The following MACF1 variants were observed in gnomAD, a reference collection of about 807,000 sequenced individuals.
The protein encoded by MACF1 is microtubule-actin cross-linking factor 1.
Under a neutral mutation model 854.8 loss-of-function variants are expected in MACF1, and 193 were observed. The observed-to-expected ratio is 0.23, with a 90% confidence interval of 0.20 to 0.25. The LOEUF (loss-of-function observed/expected upper bound fraction) is 0.25, where lower values mean the gene tolerates loss of function less well. Among genes scored for constraint, MACF1 ranks in the 10% least tolerant of loss-of-function variants. The pLI, the probability that MACF1 is intolerant of heterozygous loss-of-function variation, is 1.00. For synonymous variants in MACF1, 3,185 were observed against 3,226.7 expected (o/e 0.99, Z 0.44); for missense variants, 7,722 against 8,929.1 (o/e 0.86, Z 5.45).
At chr1:39,359,945 C>A (rs1366660214) in intron 47 of MACF1, among the ~76,000 whole-genome samples, 2 of 133,182 alleles carry the variant, frequency 1.5e-5, no homozygotes, top group African/African-American at 5.7e-5. Flanking sequence ...TGAGATCGTG[C>A]CACTGCACTC....
chr1:39,475,023 G>A (rs909032018), intron 97 of MACF1, among the ~76,000 whole-genome samples: 1 of 152,170 alleles, frequency 6.6e-6, no homozygotes, highest in Non-Finnish European at 1.5e-5. Context: ...GGGTCAGCAG[G>A]AGGGGCCAGG....
chr1:39,317,236 A>C lies in MACF1; in HGVS notation c.3611A>C (p.Asp1204Ala), dbSNP rs1483777232. The C allele has an allele frequency of 2.5e-6, 4 of 1,613,848 alleles. No individual in the cohort carries two copies. The highest frequency in any genetic ancestry group is 3.4e-6 in the Non-Finnish European group (4 of 1,179,958). The part of the protein sequence containing the change: ...TLRHWLSDVK[D>A]KNSVFSVLDE... ...CAGCACTGGCTTAGTGATGTGAAGG[A>C]CAAGAATTCAGTGTTTTCAGTCCTG... is the stretch of plus-strand genomic sequence containing the variant. The change falls in exon 29 of 101, where the codon GAC becomes GCC. Residue 1204 changes from aspartate (D) to alanine (A), a missense_variant. Around this residue, in one of 15 missense-constraint regions of MACF1, gnomAD observed 1,137 missense variants for 1,263.0 expected, o/e 0.90. Coordinates refer to ENST00000564288, the MANE Select transcript of MACF1 (RefSeq NM_001394062.1).
intron 1 of MACF1, among the ~76,000 whole-genome samples, chr1:39,209,443 G>A (rs1644490872): frequency 6.6e-6 from 1 of 152,084 alleles, no homozygotes; most frequent in Admixed American, 6.5e-5. Context: ...GTGTAAACAG[G>A]AAAAGAGCTT....
At chr1:39,146,320 G>T (rs895093414) in intron 2 of MACF1, among the ~76,000 whole-genome samples, 3 of 151,960 alleles carry the variant, frequency 2.0e-5, no homozygotes, top group Admixed American at 2.0e-4. Context: ...GCGCACACCT[G>T]TAGTCCCAGC....
chr1:39,218,856 C>T lies in MACF1; in HGVS notation c.110-12326C>T, dbSNP rs191842636. On this transcript the variant is annotated intron_variant, in intron 1 of 100. Transcript: ENST00000564288. ...AGTGCAATGGGGCGATCTCGGCTCACTGCAACCTCTGCTTCCCAGGTCCAA... is the reference window on the plus strand; with the variant it reads ...AGTGCAATGGGGCGATCTCGGCTCATTGCAACCTCTGCTTCCCAGGTCCAA... 4.5e-3 allele frequency among the ~76,000 whole-genome samples: 692 copies of T among 152,344 alleles called. 6 individuals are homozygous for T. Among genetic ancestry groups the T allele is most frequent in the South Asian group, 0.042 (203 of 4,824 alleles).
chr1:39,102,385 A>G (rs1220314286), intron 2 of MACF1, among the ~76,000 whole-genome samples: 1 of 147,432 alleles, frequency 6.8e-6, no homozygotes, highest in Admixed American at 6.8e-5. Context: ...CATAACTTCA[A>G]GTGTGATGAG....
chr1:39,370,803 C>A (rs879463214), intron 51 of MACF1, among the ~76,000 whole-genome samples: 2 of 152,046 alleles, frequency 1.3e-5, no homozygotes, highest in Non-Finnish European at 2.9e-5. Flanking sequence ...ATTTTTGTTT[C>A]ACAGTGCCCA....
chr1:39,113,063 A>G (rs966593317), intron 2 of MACF1, among the ~76,000 whole-genome samples: 7 of 152,100 alleles, frequency 4.6e-5, no homozygotes, highest in Admixed American at 3.9e-4. Context: ...GTAGATTTCT[A>G]CTGTCACCCA....
chr1:39,123,817 G>A (rs1214902703), intron 2 of MACF1, among the ~76,000 whole-genome samples: 3 of 135,084 alleles, frequency 2.2e-5, no homozygotes, highest in African/African-American at 8.2e-5. Context: ...TCTGCCTCCT[G>A]GGTTCAAGCA....
At position 39,335,984 on chromosome 1, in the gene MACF1, A is replaced by C. The variant is rs780903505; in HGVS notation, c.9396A>C (p.Thr3132=). Residue 3132 remains threonine, a synonymous_variant, in exon 37 of 101, where the codon ACA becomes ACC. Coordinates refer to ENST00000564288, the MANE Select transcript of MACF1 (RefSeq NM_001394062.1). The stretch of plus-strand genomic sequence containing the variant: ...CAGGCCCATCCCAAATTTCCAAAAC[A>C]GACAAGTCTTTCCAAGGAACCACCA... The part of the protein sequence containing the change: ...QVTGPSQISK[T]DKSFQGTTRQ... 6.2e-7 allele frequency: 1 copy of C among 1,614,202 alleles called. No individual in the cohort carries two copies. Among genetic ancestry groups the C allele is most frequent in the Admixed American group, 1.7e-5 (1 of 60,020 alleles).
chr1:39,386,057 C>A, intron 57 of MACF1, 128 bp downstream of exon 57: 1 of 1,042,648 alleles, frequency 9.6e-7, no homozygotes, highest in Non-Finnish European at 1.4e-6. Flanking sequence ...GGTGTTAAAC[C>A]AATTCCTTCT....
rs905782595 is a variant in MACF1, at chr1:39,324,725, A to G, written c.4469A>G (p.His1490Arg). 2.5e-6 allele frequency: 4 copies of G among 1,613,212 alleles called. No homozygotes were observed. The highest frequency in any genetic ancestry group is 3.4e-6 in the Non-Finnish European group (4 of 1,179,292). The change falls in exon 35 of 101, where the codon CAT (histidine) becomes CGT (arginine). Residue 1490 changes from histidine (H) to arginine (R), a missense_variant. By Grantham distance (29) the His-to-Arg change is conservative. Transcript: ENST00000564288. ...ACATCACAGATCTTCTTGGCCAAGCATGGTCATAAGTGAGTATTAAATGAG... is the reference window on the plus strand; with the variant it reads ...ACATCACAGATCTTCTTGGCCAAGCGTGGTCATAAGTGAGTATTAAATGAG... ...IKTSQIFLAK[H>R]GHKLSEKEKK...
chr1:39,438,081 A>G (rs1336204333), intron 71 of MACF1, 73 bp downstream of exon 71: 3 of 1,349,150 alleles, frequency 2.2e-6, no homozygotes, highest in Non-Finnish European at 2.0e-6. Flanking sequence ...TCAGCATCCC[A>G]CCAGATTTAT....
Position 39,452,730 on chromosome 1 carries a change from C to T in MACF1, c.20660C>T (p.Ser6887Phe). Residue 6887 changes from serine to phenylalanine, a missense_variant, in exon 87 of 101, where the codon TCT becomes TTT. Physicochemically the swap from Ser to Phe is radical, Grantham distance 155. This residue lies in a region of MACF1 where 729 missense variants were observed against 900.5 expected (regional missense o/e 0.81). Transcript: ENST00000564288. ...GTCCACATGCTGTTGGAGTGGCTTT[C>T]TGAAGCAGAGCAAACGCTTCGCTTT... ...DTVHMLLEWL[S>F]EAEQTLRFRG... 1 of 1,613,858 alleles carries T rather than the reference C, an allele frequency of 6.2e-7. No homozygotes were observed. Among genetic ancestry groups the T allele is most frequent in the Non-Finnish European group, 8.5e-7 (1 of 1,180,028 alleles).
intron 97 of MACF1, among the ~76,000 whole-genome samples, chr1:39,473,371 G>C (rs1345345417): frequency 1.3e-5 from 2 of 152,084 alleles, no homozygotes; most frequent in African/African-American, 4.8e-5. Flanking sequence ...TGTTAACATG[G>C]GATAATCTTC....
chr1:39,153,427 C>A (rs1433604400), intron 2 of MACF1, among the ~76,000 whole-genome samples: 1 of 152,102 alleles, frequency 6.6e-6, no homozygotes, highest in African/African-American at 2.4e-5. Flanking sequence ...TACATAAGCA[C>A]CTTAGGGAGG....
intron 6 of MACF1, among the ~76,000 whole-genome samples, chr1:39,277,350 G>C (rs1347626010): frequency 1.3e-5 from 2 of 152,170 alleles, no homozygotes; most frequent in Non-Finnish European, 2.9e-5. Context: ...AAAGATGCAT[G>C]TGAAGTTTGA....
Position 39,250,120 on chromosome 1 carries a change from G to T in MACF1, c.261+17G>T, listed in dbSNP as rs1355804800. On this transcript the variant is annotated intron_variant, in intron 3 of 100. Coordinates refer to ENST00000564288, the MANE Select transcript of MACF1 (RefSeq NM_001394062.1). The stretch of plus-strand genomic sequence containing the variant: ...ATCAAACTGGTGAGCTTCTCCTAAT[G>T]AATGGCCTCACAATTGTGGCCCTAC... 3.8e-6 allele frequency: 6 copies of T among 1,564,694 alleles called. No homozygotes were observed. The highest frequency in any genetic ancestry group is 5.3e-6 in the Non-Finnish European group (6 of 1,135,850).
In MACF1 at chr1:39,340,951, GAGGTAA is replaced by G; in HGVS notation, c.10581_10581+5del. 6.3e-7 allele frequency: 1 copy of G among 1,597,948 alleles called. No individual in the cohort carries two copies. The highest frequency in any genetic ancestry group is 8.5e-7 in the Non-Finnish European group (1 of 1,174,154). On this transcript the variant is annotated splice_donor_variant and splice_donor_region_variant and coding_sequence_variant and intron_variant, in exon 40 of 101. Transcript: ENST00000564288. LOFTEE classifies it high-confidence loss of function. The stretch of plus-strand genomic sequence containing the variant: ...CCTGAACCTCTGCCTCCAACAGTAT[GAGGTAA>G]ACTCAAGCACATTTTCTTTGTCCTT...
Sources: allele counts gnomAD v4.1 joint callset (sites outside exome capture counted in the v4.1 genomes callset), GRCh38; gene constraint gnomAD v4.1.1; regional missense constraint gnomAD v4.1.1; transcripts MANE v1.5; gene names NCBI Gene and HGNC (gene_info 2026-07-23, HGNC 2026-07-21).